The following MAMLD1 variants were observed in gnomAD, a reference collection of about 807,000 sequenced individuals.
MAMLD1 encodes the protein mastermind-like domain-containing protein 1.
A neutral mutation model predicts 45.0 loss-of-function variants in MAMLD1; 14 were observed. The observed-to-expected ratio is 0.31, with a 90% confidence interval of 0.21 to 0.49. The LOEUF (loss-of-function observed/expected upper bound fraction) is 0.49. MAMLD1 is among the 20% of genes least tolerant of loss of function. The pLI is 0.99. For synonymous variants in MAMLD1, 254 were observed against 247.8 expected, an observed-to-expected ratio of 1.02 and a Z score of -0.24; for missense variants, 543 against 603.6, an observed-to-expected ratio of 0.90 and a Z score of 1.05.
At chrX:150,403,653 A>G (rs2033876769) in intron 1 of MAMLD1, among the ~76,000 whole-genome samples, 1 of 109,614 alleles carries the variant, frequency 9.1e-6, no homozygotes, top group Non-Finnish European at 1.9e-5. Flanking sequence ...TGGAAAGATG[A>G]GCAAGGCCAG....
chrX:150,371,940 C>T (rs1557401081), intron 1 of MAMLD1, among the ~76,000 whole-genome samples: 1 of 111,836 alleles, frequency 8.9e-6, no homozygotes, highest in East Asian at 2.8e-4. Flanking sequence ...CCCAGAGAAG[C>T]GTCTGACTTT....
At chrX:150,365,810 C>G (rs1223984241) in intron 1 of MAMLD1, among the ~76,000 whole-genome samples, 2 of 112,800 alleles carry the variant, frequency 1.8e-5, no homozygotes, top group Non-Finnish European at 3.8e-5. Context: ...GAGCGTGCTA[C>G]TCTGGACTGC....
At position 150,512,828 on chromosome X, in the gene MAMLD1, C is replaced by T. The variant is rs1557409287; in HGVS notation, c.*869C>T. On this transcript the variant is annotated 3_prime_UTR_variant, in exon 8 of 8. Transcript: ENST00000370401. Reference sequence around the variant, plus strand: ...TCCGTTCGACAGAACGGATATTCCCCCTGAGCTGCCACCTGCCGACTTTTT... The same window carrying T: ...TCCGTTCGACAGAACGGATATTCCCTCTGAGCTGCCACCTGCCGACTTTTT... 8.7e-7 allele frequency: 1 copy of T among 1,155,982 alleles called. No individual in the cohort carries two copies. Among genetic ancestry groups the T allele is most frequent in the Non-Finnish European group, 1.1e-6 (1 of 872,938 alleles).
intron 6 of MAMLD1, among the ~76,000 whole-genome samples, chrX:150,506,163 C>T (rs1557408809): frequency 9.0e-6 from 1 of 111,292 alleles, no homozygotes; most frequent in Non-Finnish European, 1.9e-5. Context: ...GCACCTTCTG[C>T]TGTGTGGCAG....
chrX:150,389,593 A>C (rs1255192819), intron 1 of MAMLD1, among the ~76,000 whole-genome samples: 1 of 112,270 alleles, frequency 8.9e-6, no homozygotes, highest in African/African-American at 3.2e-5. Context: ...CACTTGAAAC[A>C]AATGCGTAAT....
At chrX:150,390,943 T>C (rs782604368) in intron 1 of MAMLD1, among the ~76,000 whole-genome samples, 10 of 112,171 alleles carry the variant, frequency 8.9e-5, no homozygotes, top group Non-Finnish European at 1.9e-4. Context: ...ATACATAATT[T>C]GGGGTTGACA....
intron 5 of MAMLD1, among the ~76,000 whole-genome samples, chrX:150,489,069 A>G (rs1557407795): frequency 8.9e-6 from 1 of 112,419 alleles, no homozygotes; most frequent in Non-Finnish European, 1.9e-5. Context: ...AATAACAGAA[A>G]AATATATCTA....
At chrX:150,477,818 G>A (rs1032112585) in intron 5 of MAMLD1, among the ~76,000 whole-genome samples, 1 of 111,772 alleles carries the variant, frequency 8.9e-6, no homozygotes, top group African/African-American at 3.3e-5. Flanking sequence ...AGCAGGCTCA[G>A]GGGTGCCTGA....
chrX:150,364,128 C>T (rs1479741896), intron 1 of MAMLD1, among the ~76,000 whole-genome samples: 2 of 112,969 alleles, frequency 1.8e-5, no homozygotes, highest in African/African-American at 6.4e-5. Flanking sequence ...CAGGGCAGCC[C>T]GGACTGGGTT....
chrX:150,417,692 G>A (rs1204168833), intron 1 of MAMLD1, among the ~76,000 whole-genome samples: 1 of 106,303 alleles, frequency 9.4e-6, no homozygotes. Context: ...ACTTTTTAAT[G>A]ATCGCCATTC....
At chrX:150,494,375 C>G (rs372473274) in intron 5 of MAMLD1, among the ~76,000 whole-genome samples, 91 of 111,492 alleles carry the variant, frequency 8.2e-4, no homozygotes, top group African/African-American at 2.8e-3. Flanking sequence ...GCCTGGGAGA[C>G]AGAGCAAGAC....
intron 1 of MAMLD1, among the ~76,000 whole-genome samples, chrX:150,417,559 G>C (rs1219528367): frequency 9.1e-6 from 1 of 110,102 alleles, no homozygotes; most frequent in Non-Finnish European, 1.9e-5. Context: ...GGTATTTCCA[G>C]TTCTAGATCC....
chrX:150,437,021 T>C (rs2035143950), intron 1 of MAMLD1, among the ~76,000 whole-genome samples: 1 of 111,127 alleles, frequency 9.0e-6, no homozygotes, highest in Non-Finnish European at 1.9e-5. Context: ...CTGGGCTGTG[T>C]GTTCTAACTC....
chrX:150,390,302 A>G (rs1557402139), intron 1 of MAMLD1, among the ~76,000 whole-genome samples: 1 of 112,057 alleles, frequency 8.9e-6, no homozygotes, highest in African/African-American at 3.2e-5. Context: ...AATAAGAGGT[A>G]TTGTTCACAT....
intron 1 of MAMLD1, among the ~76,000 whole-genome samples, chrX:150,431,420 T>A (rs1199875192): frequency 7.4e-5 from 8 of 108,286 alleles, no homozygotes; most frequent in Middle Eastern, 4.7e-3. Context: ...TTCTACTTTT[T>A]AAAAAAAAAT....
chrX:150,506,920 C>A (rs1466248347), intron 6 of MAMLD1, among the ~76,000 whole-genome samples: 1 of 112,458 alleles, frequency 8.9e-6, no homozygotes, highest in Non-Finnish European at 1.9e-5. Context: ...GAAAGGCATC[C>A]CCAGGACTTC....
intron 1 of MAMLD1, among the ~76,000 whole-genome samples, chrX:150,437,794 A>T (rs1370743339): frequency 8.9e-6 from 1 of 112,012 alleles, no homozygotes; most frequent in Non-Finnish European, 1.9e-5. Context: ...GTCAAAATAC[A>T]GAACATTTCA....
At chrX:150,495,234 C>CA (rs782639048) in intron 5 of MAMLD1, among the ~76,000 whole-genome samples, 1 of 108,435 alleles carries the variant, frequency 9.2e-6, no homozygotes, top group Non-Finnish European at 1.9e-5. Context: ...AACAAACAAA[C>CA]AACAGCAACA....
chrX:150,440,343 G>A (rs1199750513), intron 1 of MAMLD1, among the ~76,000 whole-genome samples: 1 of 105,794 alleles, frequency 9.5e-6, no homozygotes, highest in Non-Finnish European at 1.9e-5. Context: ...TTTCTTGCTT[G>A]TACAGTGTTT....
Sources: gnomAD v4.1 joint callset for allele counts (sites outside exome capture counted in the v4.1 genomes callset) on GRCh38, gnomAD v4.1.1 for gene constraint, MANE v1.5 for transcripts, NCBI Gene and HGNC (gene_info 2026-07-23, HGNC 2026-07-21) for gene names.